Variants in DNAJA3 observed in about 807,000 individuals in gnomAD.
DNAJA3 encodes DnaJ heat shock protein family (Hsp40) member A3, also known as dnaJ homolog subfamily A member 3, mitochondrial.
Under a neutral mutation model 54.9 loss-of-function variants are expected in DNAJA3, and 29 were observed. The observed-to-expected ratio is 0.53, with a 90% CI of 0.39 to 0.72. DNAJA3 has a LOEUF of 0.72. Among genes scored for constraint, DNAJA3 ranks in the 30% least tolerant of loss-of-function variants. The pLI, the probability that DNAJA3 is intolerant of heterozygous loss-of-function variation, is 0.00. For missense variants in DNAJA3, 708 were observed against 639.4 expected (o/e 1.11, Z -1.16); for synonymous variants, 302 against 251.4 (o/e 1.20, Z -1.90).
intron 7 of DNAJA3, among the ~76,000 whole-genome samples, chr16:4,445,917 CT>C (rs1555487957): frequency 6.7e-6 from 1 of 149,268 alleles, no homozygotes; most frequent in African/African-American, 2.4e-5. Context: ...TTACTCTTCC[CT>C]TTTTTTTCTT....
chr16:4,437,773 G>C, intron 3 of DNAJA3: 3 of 250,978 alleles, frequency 1.2e-5, no homozygotes, highest in Admixed American at 5.7e-5. Context: ...AATGTAGTAA[G>C]ACCACGTCTC....
chr16:4,448,690 C>A, intron 8 of DNAJA3, 43 bp from the exon 9 acceptor site: 1 of 1,438,338 alleles, frequency 7.0e-7, no homozygotes, highest in Non-Finnish European at 9.7e-7. Flanking sequence ...TTTATTTGAG[C>A]AACTGGGGAC....
intron 2 of DNAJA3, among the ~76,000 whole-genome samples, chr16:4,435,989 TATC>T (rs1200658181): frequency 6.6e-6 from 1 of 152,248 alleles, no homozygotes; most frequent in African/African-American, 2.4e-5. Flanking sequence ...ACTTAACTAT[TATC>T]GTCTGTCTTT....
chr16:4,431,003 C>T (rs1254945222), intron 1 of DNAJA3: 2 of 152,164 alleles, frequency 1.3e-5, no homozygotes, highest in Non-Finnish European at 1.5e-5. Flanking sequence ...GAGATCACAC[C>T]ACTGCACTCC....
intron 1 of DNAJA3, among the ~76,000 whole-genome samples, chr16:4,429,301 G>A (rs147231145): frequency 1.4e-4 from 22 of 152,092 alleles, no homozygotes; most frequent in Non-Finnish European, 2.6e-4. Context: ...TCGGCTCACC[G>A]CATCCTCCGC....
In DNAJA3 at chr16:4,426,097, G is replaced by A; in HGVS notation, c.211+5G>A. 1.3e-6 allele frequency: 2 copies of A among 1,561,324 alleles called. No individual in the cohort carries two copies. Among genetic ancestry groups the A allele is most frequent in the South Asian group, 1.2e-5 (1 of 84,960 alleles). ...GACCTGGTGTCAGCCTTACAGGTGA[G>A]GGCAGGTTCCAACTTCCGAGTGGCG... On this transcript the variant is annotated splice_donor_5th_base_variant and intron_variant, in intron 1 of 11. Transcript: ENST00000262375.
Position 4,454,846 on chromosome 16 carries a change from G to C in DNAJA3, c.1375G>C (p.Ala459Pro), listed in dbSNP as rs1193075882. ...STMDSSAGSK[A>P]RREAGEDEEG... Reference sequence around the variant, plus strand: ...CATGGATAGCTCCGCAGGAAGCAAGGCTAGGCGTGAGGCTGGGGAGGACGA... The same window carrying C: ...CATGGATAGCTCCGCAGGAAGCAAGCCTAGGCGTGAGGCTGGGGAGGACGA... The change falls in exon 11 of 12, where the codon GCT becomes CCT. Residue 459 changes from alanine to proline, a missense_variant. Ala to Pro is a conservative substitution (Grantham distance 27, BLOSUM62 -1). Coordinates refer to ENST00000262375, the MANE Select transcript of DNAJA3 (RefSeq NM_005147.6). 1.2e-6 allele frequency: 2 copies of C among 1,614,026 alleles called. No individual in the cohort carries two copies. The highest frequency in any genetic ancestry group is 1.3e-5 in the African/African-American group (1 of 74,948).
chr16:4,429,431 C>A (rs929494494), intron 1 of DNAJA3, among the ~76,000 whole-genome samples: 1 of 151,898 alleles, frequency 6.6e-6, no homozygotes, highest in Non-Finnish European at 1.5e-5. Context: ...ACCATATTGG[C>A]CAGGATGGTC....
At chr16:4,448,962 G>A (rs746066912) in intron 9 of DNAJA3, 114 bp downstream of exon 9, 9 of 716,248 alleles carry the variant, frequency 1.3e-5, no homozygotes, top group East Asian at 5.4e-5. Flanking sequence ...GTTCCTGCCC[G>A]AGTTATCTGT....
intron 2 of DNAJA3, 80 bp downstream of exon 2, chr16:4,434,597 G>GT (rs1567324986): frequency 1.3e-6 from 2 of 1,516,408 alleles, no homozygotes; most frequent in African/African-American, 1.4e-5. Context: ...TCAGTACAGC[G>GT]TATGTGCCCA....
At chr16:4,444,623 C>G (rs567626550) in intron 6 of DNAJA3, 41 bp from the exon 7 acceptor site, 5 of 1,582,410 alleles carry the variant, frequency 3.2e-6, no homozygotes, top group South Asian at 1.1e-5. Context: ...CGTGAGCCAC[C>G]GCGTCCTGCC....
chr16:4,456,601 C>T lies in DNAJA3; in HGVS notation c.*1069C>T, dbSNP rs1330450702. On this transcript the variant is annotated 3_prime_UTR_variant, in exon 12 of 12. Transcript: ENST00000262375. Reference sequence around the variant, plus strand: ...TCGCAGTTTCCATGTGTTTCAGGATCTTCGGGCTGTCGTTAGACAGGTTAA... The same window carrying T: ...TCGCAGTTTCCATGTGTTTCAGGATTTTCGGGCTGTCGTTAGACAGGTTAA... The T allele has an allele frequency of 6.6e-6, 1 of 152,654 alleles. No homozygotes were observed. 9.5% of individuals were successfully genotyped at this position (152,654 alleles called of 1,614,324 possible).
At chr16:4,441,220 G>A in intron 3 of DNAJA3, 155 bp from the exon 4 acceptor site, 1 of 643,208 alleles carries the variant, frequency 1.6e-6, no homozygotes, top group Non-Finnish European at 2.7e-6. Flanking sequence ...CCTCTTCTAG[G>A]TGCTAGTCAC....
Position 4,450,474 on chromosome 16 carries a change from A to T in DNAJA3, c.1316A>T (p.Asn439Ile), listed in dbSNP as rs750709373. ...EDETDVEGTV[N>I]GVTLTSSGGS... is the part of the protein sequence containing the mutation. ...GAGACAGATGTGGAGGGGACGGTGA[A>T]CGGCGTCACCCTCACCAGCTCTGGT... is the stretch of plus-strand genomic sequence containing the variant. The change falls in exon 10 of 12, where the codon AAC becomes ATC. Residue 439 changes from asparagine to isoleucine, a missense_variant. Physicochemically the swap from Asn to Ile is moderately radical, Grantham distance 149. Transcript: ENST00000262375. The T allele has an allele frequency of 1.2e-6, 2 of 1,610,878 alleles. No homozygotes were observed. Among genetic ancestry groups the T allele is most frequent in the African/African-American group, 2.7e-5 (2 of 75,002 alleles).
In DNAJA3 at chr16:4,426,002, C is replaced by T; in HGVS notation, c.121C>T (p.Arg41Cys). The T allele has an allele frequency of 3.7e-6, 6 of 1,604,338 alleles. No homozygotes were observed. Among genetic ancestry groups the T allele is most frequent in the Non-Finnish European group, 4.3e-6 (5 of 1,176,292 alleles). Reference sequence around the variant, plus strand: ...GGGCGTGGTGGGGGCATGGCTGAGCCGCAAGCTGAGCGTCCCCGCCTTTGC... The same window carrying T: ...GGGCGTGGTGGGGGCATGGCTGAGCTGCAAGCTGAGCGTCCCCGCCTTTGC... ...REGVVGAWLS[R>C]KLSVPAFASS... Residue 41 changes from arginine (R) to cysteine (C), a missense_variant, in exon 1 of 12, where the codon CGC (arginine) becomes TGC (cysteine). Coordinates refer to ENST00000262375, the MANE Select transcript of DNAJA3 (RefSeq NM_005147.6).
Position 4,444,736 on chromosome 16 carries a change from C to A in DNAJA3, c.996+8C>A. The A allele has an allele frequency of 1.2e-6, 2 of 1,613,414 alleles. No individual in the cohort carries two copies. The highest frequency in any genetic ancestry group is 1.7e-5 in the Admixed American group (1 of 59,974). ...ATTTTCATTACGTTCAGGGTAGGTG[C>A]CCTGCCCCGCACAGCTTCTGTTGGG... On this transcript the variant is annotated splice_region_variant and intron_variant, in intron 7 of 11. Coordinates refer to ENST00000262375, the MANE Select transcript of DNAJA3 (RefSeq NM_005147.6).
In DNAJA3 at chr16:4,447,013, C is replaced by T. The variant is rs143480833; in HGVS notation, c.1124C>T (p.Thr375Met). Reference sequence around the variant, plus strand: ...GGCCTGTACGAGACGATCAACGTGACGGTAAGAGGGTGTGAGAACACCTTT... The same window carrying T: ...GGCCTGTACGAGACGATCAACGTGATGGTAAGAGGGTGTGAGAACACCTTT... ...AQGLYETINV[T>M]IPPGTQTDQK... The change falls in exon 8 of 12, where the codon ACG becomes ATG. Residue 375 changes from threonine to methionine, a missense_variant and splice_region_variant. Coordinates refer to ENST00000262375, the MANE Select transcript of DNAJA3 (RefSeq NM_005147.6). 770 of 1,613,134 alleles carry T rather than the reference C, an allele frequency of 4.8e-4. No homozygotes were observed. The highest frequency in any genetic ancestry group is 2.4e-3 in the South Asian group (220 of 90,960).
intron 3 of DNAJA3, among the ~76,000 whole-genome samples, chr16:4,438,315 T>C (rs1283828456): frequency 6.8e-6 from 1 of 146,102 alleles, no homozygotes; most frequent in Non-Finnish European, 1.5e-5. Flanking sequence ...AGACCCCGTC[T>C]CAAAAAAAAA....
At chr16:4,451,469 G>C (rs2056976579) in intron 10 of DNAJA3, among the ~76,000 whole-genome samples, 2 of 151,856 alleles carry the variant, frequency 1.3e-5, no homozygotes, top group Non-Finnish European at 2.9e-5. Flanking sequence ...TTAAAAAGCA[G>C]CTGCCGGCCG....
Sources: allele counts gnomAD v4.1 joint callset (sites outside exome capture counted in the v4.1 genomes callset), GRCh38; gene constraint gnomAD v4.1.1; transcripts MANE v1.5; gene names NCBI Gene and HGNC (gene_info 2026-07-23, HGNC 2026-07-21).